The following VAV2 variants were observed in gnomAD, a reference collection of about 807,000 sequenced individuals.
The protein encoded by VAV2 is guanine nucleotide exchange factor VAV2.
VAV2 carries 67 observed loss-of-function variants against 132.5 expected under a neutral mutation model. The ratio of observed to expected loss-of-function variants is 0.51; its 90% CI spans 0.42 to 0.62. The LOEUF (loss-of-function observed/expected upper bound fraction) is 0.62, where lower values mean the gene tolerates loss of function less well. Among genes scored for constraint, VAV2 ranks in the 20% least tolerant of loss-of-function variants. VAV2 has a pLI of 0.00. For missense variants in VAV2, 938 were observed against 1,153.6 expected (o/e 0.81, Z 2.71); for synonymous variants, 492 against 443.5 (o/e 1.11, Z -1.37).
At chr9:133,766,770 A>ATATATATG (rs2131558627) in intron 29 of VAV2, among the ~76,000 whole-genome samples, 1 of 144,316 alleles carries the variant, frequency 6.9e-6, no homozygotes, top group African/African-American at 2.5e-5. Context: ...ATATATATAT[A>ATATATATG]TATATATATA....
chr9:133,960,762 C>T (rs758614696), intron 1 of VAV2, among the ~76,000 whole-genome samples: 4 of 152,194 alleles, frequency 2.6e-5, no homozygotes, highest in Non-Finnish European at 4.4e-5. Context: ...CTTTGTGGAA[C>T]GCAGGAGTCC....
At chr9:133,910,823 C>CAAAAAA (rs60841450) in intron 2 of VAV2, among the ~76,000 whole-genome samples, 5 of 100,516 alleles carry the variant, frequency 5.0e-5, no homozygotes, top group African/African-American at 1.4e-4. Flanking sequence ...GACTCGGTCT[C>CAAAAAA]AAAAAAAAAA....
Position 133,982,050 on chromosome 9 carries a change from G to A in VAV2, c.204+10025C>T, listed in dbSNP as rs114640756. 5.0e-3 allele frequency among the ~76,000 whole-genome samples: 759 copies of A among 152,346 alleles called. 9 individuals carry two copies. The highest frequency in any genetic ancestry group is 0.017 in the African/African-American group (707 of 41,578). ...TGTGCGACCCGGAAGGGGAAAGCCC[G>A]GGGGACCAAGAGCCCTTGTCAGGGG... On this transcript the variant is annotated intron_variant, in intron 1 of 29. Coordinates refer to ENST00000371850, the MANE Select transcript of VAV2 (RefSeq NM_001134398.2).
chr9:133,862,071 C>A (rs1837616164), intron 2 of VAV2, among the ~76,000 whole-genome samples: 1 of 152,242 alleles, frequency 6.6e-6, no homozygotes, highest in South Asian at 2.1e-4. Context: ...CTCCTTGTCT[C>A]CCCTGGCCGG....
intron 1 of VAV2, among the ~76,000 whole-genome samples, chr9:133,958,165 C>T (rs1022615189): frequency 1.5e-5 from 2 of 137,930 alleles, no homozygotes; most frequent in Non-Finnish European, 3.3e-5. Flanking sequence ...AGGGAAAGAC[C>T]TGACCGTCCC....
At chr9:133,838,483 G>GTGGATGGA (rs1456040591) in intron 3 of VAV2, among the ~76,000 whole-genome samples, 2 of 82,164 alleles carry the variant, frequency 2.4e-5, no homozygotes, top group African/African-American at 1.1e-4. Context: ...GGGTGGATGG[G>GTGGATGGA]TGGATGGATG....
chr9:133,968,685 G>GGA (rs554522486), intron 1 of VAV2, among the ~76,000 whole-genome samples: 40 of 152,284 alleles, frequency 2.6e-4, no homozygotes, highest in African/African-American at 9.6e-4. Flanking sequence ...CTTGTAGCCG[G>GGA]GAGAGAGAGC....
chr9:133,989,201 G>T (rs895256259), intron 1 of VAV2, among the ~76,000 whole-genome samples: 4 of 152,164 alleles, frequency 2.6e-5, no homozygotes, highest in African/African-American at 9.7e-5. Flanking sequence ...AGCTGGGCAT[G>T]GTGGCGCATG....
chr9:133,933,488 GATGGATGGATGGATGGTGA>G (rs1840760125), intron 2 of VAV2, among the ~76,000 whole-genome samples: 2 of 16,880 alleles, frequency 1.2e-4, no homozygotes, highest in Non-Finnish European at 4.3e-4. Flanking sequence ...TGAGTGGATG[GATGGATGGATGGATGGTGA>G]ATGGATGGAT....
intron 1 of VAV2, among the ~76,000 whole-genome samples, chr9:133,940,672 CGTGTGTGTGTGT>C (rs60265901): frequency 7.1e-4 from 99 of 139,358 alleles, no homozygotes; most frequent in South Asian, 1.9e-3. Context: ...TGTCCACGTG[CGTGTGTGTGTGT>C]GTGTGTGTGT....
At chr9:133,940,318 G>A (rs966088203) in intron 1 of VAV2, among the ~76,000 whole-genome samples, 11 of 152,182 alleles carry the variant, frequency 7.2e-5, no homozygotes, top group Non-Finnish European at 1.6e-4. Flanking sequence ...GCCCAGGATT[G>A]TCATCCTCAT....
Position 133,928,488 on chromosome 9 carries a change from C to A in VAV2, c.321+10615G>T, listed in dbSNP as rs1444177859. Among the ~76,000 whole-genome samples the A allele has an allele frequency of 6.6e-6, 1 of 152,210 alleles. No individual in the cohort carries two copies. Among genetic ancestry groups the A allele is most frequent in the African/African-American group, 2.4e-5 (1 of 41,458 alleles). On this transcript the variant is annotated intron_variant, in intron 2 of 29. Coordinates refer to ENST00000371850, the MANE Select transcript of VAV2 (RefSeq NM_001134398.2). This position sits in a 1 kb window ranked among gnomAD's most constrained non-coding sequence, Gnocchi z 5.4. ...CTGCTACAAAGACTAGCACGTCTCA[C>A]TGCCAGCATTAAGGCAGGGAGTGCA...
chr9:133,930,439 T>C (rs2519097), intron 2 of VAV2, among the ~76,000 whole-genome samples: 131,333 of 151,002 alleles, frequency 0.87, 57,954 homozygotes, highest in East Asian at 0.97. Flanking sequence ...GGCATCCTCA[T>C]TGCCTCTTGG....
chr9:133,906,188 G>A (rs959232532), intron 2 of VAV2, among the ~76,000 whole-genome samples: 1 of 152,212 alleles, frequency 6.6e-6, no homozygotes, highest in Non-Finnish European at 1.5e-5. Flanking sequence ...CTGGGGCTCT[G>A]TGGGGACCTT....
intron 1 of VAV2, among the ~76,000 whole-genome samples, chr9:133,982,410 G>A (rs1281885906): frequency 7.9e-6 from 1 of 126,372 alleles, no homozygotes; most frequent in Non-Finnish European, 1.8e-5. Flanking sequence ...GGCTGGCAGG[G>A]CAGGAGGCCA....
intron 3 of VAV2, among the ~76,000 whole-genome samples, chr9:133,841,769 A>T (rs918178477): frequency 6.6e-6 from 1 of 152,152 alleles, no homozygotes; most frequent in Non-Finnish European, 1.5e-5. Context: ...AGTTTCCCCA[A>T]CTGCAGAATG....
At chr9:133,795,978 C>G (rs1380687095) in intron 11 of VAV2, among the ~76,000 whole-genome samples, 1 of 152,192 alleles carries the variant, frequency 6.6e-6, no homozygotes, top group African/African-American at 2.4e-5. Flanking sequence ...AGGGAGTGAC[C>G]GTGAGAAGGG....
At chr9:133,960,953 GCA>G (rs1841946960) in intron 1 of VAV2, among the ~76,000 whole-genome samples, 1 of 152,248 alleles carries the variant, frequency 6.6e-6, no homozygotes, top group Admixed American at 6.5e-5. Flanking sequence ...AGGATGGTGA[GCA>G]CAGAGGCAGG....
chr9:133,960,302 C>T (rs1484224940), intron 1 of VAV2, among the ~76,000 whole-genome samples: 2 of 152,122 alleles, frequency 1.3e-5, no homozygotes, highest in African/African-American at 2.4e-5. Context: ...TGGGGGTTTT[C>T]ATCATCTCTC....
Sources: gnomAD v4.1 joint callset for allele counts (sites outside exome capture counted in the v4.1 genomes callset) on GRCh38, gnomAD v4.1.1 for gene constraint, Gnocchi (gnomAD v3.1) non-coding constraint, MANE v1.5 for transcripts, NCBI Gene and HGNC (gene_info 2026-07-23, HGNC 2026-07-21) for gene names.